CALB1: variants seen among roughly 807,000 people sequenced by gnomAD.
CALB1 encodes the protein calbindin.
Under a neutral mutation model 46.7 loss-of-function variants are expected in CALB1, and 16 were observed. The ratio of observed to expected loss-of-function variants is 0.34; its 90% CI spans 0.23 to 0.52. CALB1 has a LOEUF of 0.52. Among genes scored for constraint, CALB1 ranks in the 20% least tolerant of loss-of-function variants. The probability of loss-of-function intolerance (pLI) is 0.95; values close to 1 mark genes in which losing one functional copy is unlikely to be tolerated. For synonymous variants in CALB1, 90 were observed against 112.8 expected (o/e 0.80, Z 1.28); for missense variants, 224 against 300.3 (o/e 0.75, Z 1.88).
chr8:90,065,489 C>T (rs144851253), intron 6 of CALB1, among the ~76,000 whole-genome samples: 35 of 151,636 alleles, frequency 2.3e-4, no homozygotes, highest in African/African-American at 7.7e-4. Context: ...GTGTGATTTC[C>T]CAAACTATGA....
chr8:90,075,260 T>TGACATCTTTCAGAGAC (rs1814604654), intron 3 of CALB1, among the ~76,000 whole-genome samples: 2 of 152,216 alleles, frequency 1.3e-5, no homozygotes, highest in South Asian at 4.1e-4. Flanking sequence ...TCTTTTTGAA[T>TGACATCTTTCAGAGAC]GACATCTTTC....
chr8:90,078,433 T>C lies in CALB1; in HGVS notation c.171A>G (p.Glu57=). The C allele has an allele frequency of 6.3e-7, 1 of 1,578,552 alleles. No individual in the cohort carries two copies. The highest frequency in any genetic ancestry group is 2.3e-5 in the East Asian group (1 of 43,910). ...RKKAGLELSP[E]MKTFVDQYGQ... ...CATACTGATCCACAAAAGTTTTCAT[T>C]TCAGGTGATAACTCCTAAAATTATA... Residue 57 remains glutamate (E), a synonymous_variant, in exon 3 of 11, where the codon GAA becomes GAG. Coordinates refer to ENST00000265431, the MANE Select transcript of CALB1 (RefSeq NM_004929.4).
chr8:90,067,956 C>T (rs1183348891), intron 5 of CALB1, among the ~76,000 whole-genome samples: 4 of 152,152 alleles, frequency 2.6e-5, no homozygotes, highest in Admixed American at 2.0e-4. Context: ...ACACTTCAAG[C>T]ACCTTGTACT....
intron 3 of CALB1, among the ~76,000 whole-genome samples, chr8:90,070,206 T>C (rs1334058879): frequency 6.6e-6 from 1 of 152,114 alleles, no homozygotes; most frequent in East Asian, 1.9e-4. Context: ...CTTGAATATA[T>C]TGGGTTCAAA....
intron 6 of CALB1, 129 bp from the exon 7 acceptor site, chr8:90,063,590 G>T: frequency 1.4e-6 from 1 of 706,530 alleles, no homozygotes; most frequent in African/African-American, 1.8e-5. Context: ...TTAAAAACTA[G>T]CATTTTTAAA....
chr8:90,066,411 A>T (rs1814398008), intron 5 of CALB1, among the ~76,000 whole-genome samples: 1 of 151,974 alleles, frequency 6.6e-6, no homozygotes, highest in Non-Finnish European at 1.5e-5. Context: ...CCAAATAGAG[A>T]TCTATCCCTA....
chr8:90,072,033 G>T, intron 3 of CALB1, among the ~76,000 whole-genome samples: 1 of 152,028 alleles, frequency 6.6e-6, no homozygotes, highest in Non-Finnish European at 1.5e-5. Context: ...CTACTTAAAA[G>T]AATTGAGTTA....
chr8:90,059,497 C>G lies in CALB1; in HGVS notation c.*676G>C, dbSNP rs762089414. The G allele has an allele frequency of 6.6e-6, 1 of 152,312 alleles. No homozygotes were observed. The highest frequency in any genetic ancestry group is 1.5e-5 in the Non-Finnish European group (1 of 68,034). 9.4% of individuals were successfully genotyped at this position (152,312 alleles called of 1,614,324 possible). On this transcript the variant is annotated 3_prime_UTR_variant, in exon 11 of 11. Transcript: ENST00000265431. Reference sequence around the variant, plus strand: ...AATGGATTTAGGTCATATTCTCTGACAGTAAGTTTGTTGGAAATACAGGCA... The same window carrying G: ...AATGGATTTAGGTCATATTCTCTGAGAGTAAGTTTGTTGGAAATACAGGCA...
chr8:90,080,082 T>C (rs903587124), intron 2 of CALB1, among the ~76,000 whole-genome samples: 4 of 151,848 alleles, frequency 2.6e-5, no homozygotes, highest in Non-Finnish European at 5.9e-5. Flanking sequence ...TCAAGAAAAA[T>C]ACTAAATTCA....
intron 3 of CALB1, among the ~76,000 whole-genome samples, chr8:90,075,355 G>A (rs186391848): frequency 2.6e-5 from 4 of 152,220 alleles, no homozygotes; most frequent in Non-Finnish European, 5.9e-5. Flanking sequence ...AGATTTTGAT[G>A]AGTTTGTGAG....
chr8:90,071,497 T>C (rs1814515963), intron 3 of CALB1, among the ~76,000 whole-genome samples: 1 of 152,118 alleles, frequency 6.6e-6, no homozygotes, highest in Admixed American at 6.6e-5. Flanking sequence ...CCCTCCAGTC[T>C]TGTTGAGCCT....
intron 9 of CALB1, 56 bp downstream of exon 9, chr8:90,063,044 C>A: frequency 8.0e-7 from 1 of 1,257,498 alleles, no homozygotes; most frequent in Admixed American, 1.9e-5. Context: ...TTAAGAGGAT[C>A]TTATGTTGTG....
intron 2 of CALB1, among the ~76,000 whole-genome samples, chr8:90,081,219 C>T (rs933028699): frequency 2.6e-5 from 4 of 152,116 alleles, no homozygotes; most frequent in African/African-American, 7.2e-5. Context: ...GCTTAAATAA[C>T]GAACATAGCC....
chr8:90,081,804 TTC>T lies in CALB1; in HGVS notation c.156+220_156+221del, dbSNP rs145856953. ...CTTCCCTCCCTTCTCTGTCCCTCCC[TTC>T]TCTCTCTCTCTCTCTCCCCCTCTCT... is the stretch of plus-strand genomic sequence containing the variant. On this transcript the variant is annotated intron_variant, in intron 2 of 10. Coordinates refer to ENST00000265431, the MANE Select transcript of CALB1 (RefSeq NM_004929.4). 2.4e-4 allele frequency among the ~76,000 whole-genome samples: 35 copies of T among 147,388 alleles called. No individual in the cohort carries two copies. In the South Asian group the frequency reaches 4.2e-3, roughly 18 times the overall value.
chr8:90,060,704 G>C lies in CALB1; in HGVS notation c.601-4C>G. ...CATCTATGTATCCATTGCCGTCCTG[G>C]GGGAGGAGAAATAAAATAGTATACA... is the stretch of plus-strand genomic sequence containing the variant. On this transcript the variant is annotated splice_polypyrimidine_tract_variant and splice_region_variant and intron_variant, in intron 9 of 10. Transcript: ENST00000265431. 6.2e-7 allele frequency: 1 copy of C among 1,609,378 alleles called. No homozygotes were observed. Among genetic ancestry groups the C allele is most frequent in the Admixed American group, 1.7e-5 (1 of 59,998 alleles).
At chr8:90,073,743 C>T (rs966465013) in intron 3 of CALB1, among the ~76,000 whole-genome samples, 6 of 152,166 alleles carry the variant, frequency 3.9e-5, no homozygotes, top group African/African-American at 1.2e-4. Context: ...CATTTGGCTA[C>T]TAAATACTAG....
intron 5 of CALB1, 64 bp downstream of exon 5, chr8:90,068,934 G>C (rs902998238): frequency 8.3e-7 from 1 of 1,202,220 alleles, no homozygotes; most frequent in Admixed American, 2.2e-5. Context: ...TAAAAAGCTA[G>C]GAAACTCTTA....
chr8:90,067,296 A>C (rs905521246), intron 5 of CALB1, among the ~76,000 whole-genome samples: 7 of 152,180 alleles, frequency 4.6e-5, no homozygotes, highest in Admixed American at 2.6e-4. Context: ...ATGCCAACTT[A>C]TCTTCAAAAT....
intron 10 of CALB1, 33 bp downstream of exon 10, chr8:90,060,596 T>C (rs759870825): frequency 1.9e-6 from 3 of 1,563,164 alleles, no homozygotes; most frequent in Non-Finnish European, 2.6e-6. Context: ...CAGAGTCTGC[T>C]TAAAGAAGTA....
Sources: gnomAD v4.1 joint callset for allele counts (sites outside exome capture counted in the v4.1 genomes callset) on GRCh38, gnomAD v4.1.1 for gene constraint, MANE v1.5 for transcripts, NCBI Gene and HGNC (gene_info 2026-07-23, HGNC 2026-07-21) for gene names.